The following EML5 variants were observed in gnomAD, a reference collection of about 807,000 sequenced individuals.
EML5 encodes EMAP like 5.
Under a neutral mutation model 250.0 loss-of-function variants are expected in EML5, and 120 were observed. The observed-to-expected ratio is 0.48, with a 90% CI of 0.41 to 0.56. The LOEUF is 0.56. Among genes scored for constraint, EML5 ranks in the 20% least tolerant of loss-of-function variants. EML5 has a pLI of 0.00. For missense variants in EML5, 2,006 were observed against 2,437.6 expected (o/e 0.82, Z 3.73); for synonymous variants, 771 against 806.5 (o/e 0.96, Z 0.75).
intron 41 of EML5, 85 bp from the exon 42 acceptor site, chr14:88,616,964 C>G (rs1276549202): frequency 7.9e-7 from 1 of 1,271,954 alleles, no homozygotes; most frequent in Non-Finnish European, 1.1e-6. Context: ...CAATTAATCT[C>G]TAAGTACCCT....
chr14:88,773,622 C>T (rs1459409637), intron 1 of EML5, among the ~76,000 whole-genome samples: 1 of 152,166 alleles, frequency 6.6e-6, no homozygotes, highest in African/African-American at 2.4e-5. Context: ...AAATTAAAAA[C>T]AGAAACAAAC....
At chr14:88,666,033 A>G (rs933623488) in intron 21 of EML5, among the ~76,000 whole-genome samples, 1 of 152,234 alleles carries the variant, frequency 6.6e-6, no homozygotes, top group Admixed American at 6.5e-5. Flanking sequence ...TCTAAGCAGG[A>G]ATGAAACTCA....
rs1459773677 is a variant in EML5 at position 88,664,286 on chromosome 14, A to AG, written c.3409+206_3409+207insC. 3.5e-3 allele frequency among the ~76,000 whole-genome samples: 536 copies of AG among 151,634 alleles called. 3 individuals carry two copies. The highest frequency in any genetic ancestry group is 0.012 in the African/African-American group (512 of 41,414). On this transcript the variant is annotated intron_variant, in intron 23 of 43. Coordinates refer to ENST00000554922, the MANE Select transcript of EML5 (RefSeq NM_183387.3). ...AGTGAGACCTGTCTCAAAAAAAAAA[A>AG]AAAAGAAAAGAAAAAGGAAAAAGAA...
At chr14:88,723,784 C>T (rs767138199) in intron 8 of EML5, among the ~76,000 whole-genome samples, 1 of 152,066 alleles carries the variant, frequency 6.6e-6, no homozygotes, top group Non-Finnish European at 1.5e-5. Context: ...TTTAAAAAGG[C>T]AGACTGGTTA....
At chr14:88,616,394 G>T in intron 42 of EML5, 152 bp from the exon 43 acceptor site, 1 of 743,492 alleles carries the variant, frequency 1.3e-6, no homozygotes, top group Non-Finnish European at 2.2e-6. Context: ...AGCATGAGTA[G>T]TGGATCTGCA....
chr14:88,614,895 A>G lies in EML5; in HGVS notation c.*923T>C, dbSNP rs1226520151. On this transcript the variant is annotated 3_prime_UTR_variant, in exon 44 of 44. Transcript: ENST00000554922. ...AAAAAGGCTATAAAAATTTTATTCC[A>G]AGAGTGATTAAATTGTATAATGTTG... The G allele has an allele frequency of 6.6e-6, 1 of 152,242 alleles. No individual in the cohort carries two copies. The highest frequency in any genetic ancestry group is 1.5e-5 in the Non-Finnish European group (1 of 68,036). 9.4% of individuals were successfully genotyped at this position (152,242 alleles called of 1,614,324 possible). A position where few individuals can be genotyped will look rare whatever the true frequency, so the allele number is the denominator to read the frequency against.
chr14:88,773,300 G>A (rs55900327), intron 1 of EML5, among the ~76,000 whole-genome samples: 1 of 152,152 alleles, frequency 6.6e-6, no homozygotes, highest in Non-Finnish European at 1.5e-5. Context: ...TCTGTCTTTC[G>A]GTGTTTTCAG....
chr14:88,621,587 T>C, intron 37 of EML5: 1 of 436,448 alleles, frequency 2.3e-6, no homozygotes, highest in South Asian at 3.0e-5. Flanking sequence ...TATTTGATAA[T>C]CTTAGGATTT....
rs780454287 is a variant in EML5 at position 88,616,708 on chromosome 14, A to C, written c.5796+18T>G. 227 of 1,606,120 alleles carry C rather than the reference A, an allele frequency of 1.4e-4. No homozygotes were observed. The highest frequency in any genetic ancestry group is 1.9e-4 in the Non-Finnish European group (220 of 1,175,488). ...AATTAGGAGTAAACTGATAATAGTA[A>C]ACAAAACACAAACTTACAAATTTTT... On this transcript the variant is annotated intron_variant, in intron 42 of 43. Coordinates refer to ENST00000554922, the MANE Select transcript of EML5 (RefSeq NM_183387.3).
chr14:88,627,522 A>G, intron 34 of EML5, 124 bp downstream of exon 34: 1 of 926,474 alleles, frequency 1.1e-6, no homozygotes, highest in Non-Finnish European at 1.6e-6. Context: ...TGTACAGTAT[A>G]TTGCATAGGC....
intron 23 of EML5, among the ~76,000 whole-genome samples, chr14:88,664,030 C>T (rs774778480): frequency 5.3e-5 from 8 of 151,744 alleles, no homozygotes; most frequent in African/African-American, 9.7e-5. Flanking sequence ...ATAATCACAG[C>T]ACTTTGGGAT....
chr14:88,660,425 A>C (rs1460177475), intron 25 of EML5, among the ~76,000 whole-genome samples: 1 of 152,154 alleles, frequency 6.6e-6, no homozygotes, highest in Non-Finnish European at 1.5e-5. Context: ...CACAGCACAC[A>C]TTAGCATAGG....
At chr14:88,733,078 A>T (rs535459684) in intron 7 of EML5, among the ~76,000 whole-genome samples, 28 of 152,354 alleles carry the variant, frequency 1.8e-4, no homozygotes, top group African/African-American at 6.3e-4. Flanking sequence ...TTTGAATAAC[A>T]ATATCAAGCT....
At position 88,767,149 on chromosome 14, in the gene EML5, C is replaced by A. The variant is rs145086270; in HGVS notation, c.198-12478G>T. ...TGATATTTTTATTTATTTCAGCAGA[C>A]AAGCAATCCAATTAGGTTCAAGGTA... On this transcript the variant is annotated intron_variant, in intron 1 of 43. Transcript: ENST00000554922. 4.7e-4 allele frequency among the ~76,000 whole-genome samples: 72 copies of A among 152,296 alleles called. 1 individual carries two copies. In the South Asian group the frequency reaches 0.015, roughly 31 times the overall value.
chr14:88,699,667 G>A (rs2093163885), intron 14 of EML5, among the ~76,000 whole-genome samples: 1 of 151,998 alleles, frequency 6.6e-6, no homozygotes, highest in South Asian at 2.1e-4. Flanking sequence ...GTAGAGATAT[G>A]GAAAAATTAA....
intron 41 of EML5, 87 bp from the exon 42 acceptor site, chr14:88,616,966 A>G: frequency 7.9e-7 from 1 of 1,270,950 alleles, no homozygotes. Flanking sequence ...ATTAATCTCT[A>G]AGTACCCTAT....
At chr14:88,656,059 C>T (rs1377118993) in intron 27 of EML5, among the ~76,000 whole-genome samples, 1 of 152,154 alleles carries the variant, frequency 6.6e-6, no homozygotes, top group African/African-American at 2.4e-5. Context: ...GACAGTGTGG[C>T]AATTCCTCAA....
At chr14:88,720,245 C>T (rs2093569282) in intron 8 of EML5, among the ~76,000 whole-genome samples, 1 of 151,866 alleles carries the variant, frequency 6.6e-6, no homozygotes, top group African/African-American at 2.4e-5. Context: ...CTGAAATAGC[C>T]CAACAATTGA....
intron 39 of EML5, 162 bp from the exon 40 acceptor site, chr14:88,618,974 G>A (rs2088294069): frequency 1.9e-6 from 1 of 534,618 alleles, no homozygotes; most frequent in East Asian, 3.3e-5. Flanking sequence ...AGATTGTCTG[G>A]GTTACATGAA....
Sources: gnomAD v4.1 joint callset for allele counts (sites outside exome capture counted in the v4.1 genomes callset) on GRCh38, gnomAD v4.1.1 for gene constraint, MANE v1.5 for transcripts, NCBI Gene and HGNC (gene_info 2026-07-23, HGNC 2026-07-21) for gene names.